EYA1: variants seen among roughly 807,000 people sequenced by gnomAD.
EYA1 encodes the protein EYA transcriptional coactivator and phosphatase 1.
EYA1 carries 16 observed loss-of-function variants against 82.0 expected under a neutral mutation model. The ratio of observed to expected loss-of-function variants is 0.20; its 90% CI spans 0.13 to 0.30. The LOEUF is 0.30. Ranked by LOEUF, EYA1 falls within the 10% of genes least tolerant of loss-of-function variation. EYA1 has a pLI of 1.00. For synonymous variants in EYA1, 261 were observed against 264.4 expected (o/e 0.99, Z 0.12); for missense variants, 633 against 730.7 (o/e 0.87, Z 1.54).
rs756186032 is a variant in EYA1, at chr8:71,216,773, C to T, written c.1279G>A (p.Gly427Ser). 1.6e-5 allele frequency: 26 copies of T among 1,613,930 alleles called. No homozygotes were observed. The highest frequency in any genetic ancestry group is 4.5e-5 in the East Asian group (2 of 44,880). ...GCCAACTTTCTCATCCAGTCCACAC[C>T]GCCCCGTACACCAGTTGCCAAACAT... ...NLCLATGVRG[G>S]VDWMRKLAFR... The change falls in exon 14 of 18, where the codon GGT (glycine) becomes AGT (serine). Residue 427 changes from glycine (G) to serine (S), a missense_variant. Transcript: ENST00000340726.
At chr8:71,278,430 A>C (rs1817447754) in intron 9 of EYA1, among the ~76,000 whole-genome samples, 1 of 152,212 alleles carries the variant, frequency 6.6e-6, no homozygotes, top group Admixed American at 6.5e-5. Context: ...TGTCTCTTTT[A>C]CCATAACCAT....
chr8:71,216,792 C>G lies in EYA1; in HGVS notation c.1260G>C (p.Leu420Phe), dbSNP rs768120097. 3 of 1,614,074 alleles carry G rather than the reference C, an allele frequency of 1.9e-6. No individual in the cohort carries two copies. The Admixed American group carries it at 5.0e-5, about 27-fold the overall frequency. The part of the protein sequence containing the change: ...PAAATSANLC[L>F]ATGVRGGVDW... Reference sequence around the variant, plus strand: ...CCACACCGCCCCGTACACCAGTTGCCAAACATAAGTTAGCACTGGTTGCTG... The same window carrying G: ...CCACACCGCCCCGTACACCAGTTGCGAAACATAAGTTAGCACTGGTTGCTG... Residue 420 changes from leucine (L) to phenylalanine (F), a missense_variant, in exon 14 of 18, where the codon TTG (leucine) becomes TTC (phenylalanine). Transcript: ENST00000340726.
chr8:71,378,697 T>C (rs1214565760), intron 2 of EYA1, among the ~76,000 whole-genome samples: 1 of 152,244 alleles, frequency 6.6e-6, no homozygotes, highest in Non-Finnish European at 1.5e-5. Flanking sequence ...AGGTAATATA[T>C]TTTATAATCA....
intron 14 of EYA1, 64 bp from the exon 15 acceptor site, chr8:71,215,792 T>C: frequency 9.2e-7 from 1 of 1,088,120 alleles, no homozygotes. Context: ...GCTTTGCAAG[T>C]AATTAACATT....
chr8:71,354,721 C>A, intron 3 of EYA1, 61 bp downstream of exon 3: 2 of 1,546,148 alleles, frequency 1.3e-6, no homozygotes, highest in South Asian at 1.1e-5. Flanking sequence ...CACCTAATAA[C>A]AAAGCATATA....
At chr8:71,232,332 A>G (rs1811297129) in intron 12 of EYA1, among the ~76,000 whole-genome samples, 1 of 152,236 alleles carries the variant, frequency 6.6e-6, no homozygotes, top group South Asian at 2.1e-4. Flanking sequence ...TCTGCTCCAC[A>G]GTGACTTCAC....
At chr8:71,239,144 A>G (rs1490491071) in intron 12 of EYA1, among the ~76,000 whole-genome samples, 1 of 152,206 alleles carries the variant, frequency 6.6e-6, no homozygotes, top group African/African-American at 2.4e-5. Flanking sequence ...TTCATTAGTA[A>G]TAATAAAATA....
intron 4 of EYA1, among the ~76,000 whole-genome samples, chr8:71,327,120 C>G (rs529665947): frequency 1.3e-5 from 2 of 152,308 alleles, no homozygotes; most frequent in South Asian, 2.1e-4. Context: ...CAGCACTTAA[C>G]ACTTACCCAT....
intron 2 of EYA1, among the ~76,000 whole-genome samples, chr8:71,386,969 T>TG (rs1586604197): frequency 6.6e-6 from 1 of 152,346 alleles, no homozygotes; most frequent in East Asian, 1.9e-4. Context: ...ATTGAGCAGA[T>TG]GGGGGATTAG....
chr8:71,279,541 T>C (rs990895781), intron 9 of EYA1, among the ~76,000 whole-genome samples: 1 of 152,234 alleles, frequency 6.6e-6, no homozygotes, highest in Non-Finnish European at 1.5e-5. Flanking sequence ...AAGAATCATA[T>C]ACATCCATTG....
At chr8:71,425,887 G>A (rs566625133) in intron 2 of EYA1, among the ~76,000 whole-genome samples, 7 of 152,322 alleles carry the variant, frequency 4.6e-5, no homozygotes, top group South Asian at 2.1e-4. Context: ...GAAAGCAAAC[G>A]TGAAATTCTA....
intron 2 of EYA1, among the ~76,000 whole-genome samples, chr8:71,433,149 T>C (rs561849383): frequency 6.6e-6 from 1 of 152,320 alleles, no homozygotes; most frequent in East Asian, 1.9e-4. Context: ...TCAACTACTA[T>C]AGCTTCTGGA....
intron 7 of EYA1, among the ~76,000 whole-genome samples, chr8:71,305,627 C>T (rs567325587): frequency 6.7e-6 from 1 of 148,530 alleles, no homozygotes; most frequent in Admixed American, 6.8e-5. Context: ...GCTTGGGTGA[C>T]AAGAGTGTAA....
At chr8:71,200,834 A>G (rs1302691315) in intron 17 of EYA1, among the ~76,000 whole-genome samples, 1 of 151,680 alleles carries the variant, frequency 6.6e-6, no homozygotes, top group Non-Finnish European at 1.5e-5. Flanking sequence ...AACTGGGAAA[A>G]TATCTGAAGG....
At chr8:71,389,871 T>C (rs943391184) in intron 2 of EYA1, among the ~76,000 whole-genome samples, 23 of 152,154 alleles carry the variant, frequency 1.5e-4, no homozygotes, top group Non-Finnish European at 3.1e-4. Context: ...TCCCAACCTA[T>C]CCCTTTCCCT....
intron 6 of EYA1, among the ~76,000 whole-genome samples, chr8:71,318,905 TA>T (rs528054052): frequency 1.5e-3 from 224 of 152,256 alleles, no homozygotes; most frequent in African/African-American, 4.9e-3. Context: ...CTTAACATTT[TA>T]AAAATGTGAT....
chr8:71,485,527 C>G (rs530405556), intron 2 of EYA1, among the ~76,000 whole-genome samples: 1 of 151,612 alleles, frequency 6.6e-6, no homozygotes, highest in Non-Finnish European at 1.5e-5. Context: ...AAGAAGAGAA[C>G]AGATTTTACA....
intron 2 of EYA1, among the ~76,000 whole-genome samples, chr8:71,523,518 C>CACTA (rs1813601837): frequency 6.6e-6 from 1 of 152,264 alleles, no homozygotes; most frequent in African/African-American, 2.4e-5. Context: ...AGGTGAAAGC[C>CACTA]ACTAACCTCA....
intron 2 of EYA1, among the ~76,000 whole-genome samples, chr8:71,380,483 CA>C (rs752133240): frequency 6.6e-6 from 1 of 152,166 alleles, no homozygotes; most frequent in Non-Finnish European, 1.5e-5. Context: ...CCCCCTTCTC[CA>C]GCCTGCAGCC....
Sources: gnomAD v4.1 joint callset for allele counts (sites outside exome capture counted in the v4.1 genomes callset) on GRCh38, gnomAD v4.1.1 for gene constraint, MANE v1.5 for transcripts, NCBI Gene and HGNC (gene_info 2026-07-23, HGNC 2026-07-21) for gene names.